The following RAP1GDS1 variants were observed in gnomAD, a reference collection of about 807,000 sequenced individuals.
RAP1GDS1 encodes the protein Rap1 GTPase-GDP dissociation stimulator 1.
RAP1GDS1 carries 35 observed loss-of-function variants against 71.1 expected under a neutral mutation model. That is an observed-to-expected ratio of 0.49 (90% CI 0.38 to 0.65). The LOEUF (loss-of-function observed/expected upper bound fraction) is 0.65, where lower values mean the gene tolerates loss of function less well. Ranked by LOEUF, RAP1GDS1 falls within the 30% of genes least tolerant of loss-of-function variation. The pLI, the probability that RAP1GDS1 is intolerant of heterozygous loss-of-function variation, is 0.00. For synonymous variants in RAP1GDS1, 229 were observed against 243.1 expected (o/e 0.94, Z 0.54); for missense variants, 663 against 706.1 (o/e 0.94, Z 0.69).
chr4:98,404,323 C>T (rs961996876), intron 6 of RAP1GDS1, among the ~76,000 whole-genome samples, 154 bp from the exon 7 acceptor site: 4 of 152,008 alleles, frequency 2.6e-5, no homozygotes, highest in Admixed American at 6.6e-5. Context: ...AGATATTTTT[C>T]CTTTTCAGGG....
At position 98,417,346 on chromosome 4, in the gene RAP1GDS1, A is replaced by G. The variant is rs1748180547; in HGVS notation, c.908-21A>G. The G allele has an allele frequency of 3.7e-6, 6 of 1,600,432 alleles. No individual in the cohort carries two copies. The South Asian group carries it at 4.5e-5, about 12-fold the overall frequency. On this transcript the variant is annotated intron_variant, in intron 8 of 14. Coordinates refer to ENST00000408927, the MANE Select transcript of RAP1GDS1 (RefSeq NM_001100427.2). ...CTAGTTATTTTTCTCTTGCTTAACT[A>G]TTCGTTTCATTTACCTCCAGATGAA...
intron 2 of RAP1GDS1, among the ~76,000 whole-genome samples, chr4:98,320,400 C>T (rs893830932): frequency 2.0e-5 from 3 of 152,044 alleles, no homozygotes; most frequent in South Asian, 4.1e-4. Flanking sequence ...GTCCCCGTTA[C>T]GTGATTCTCT....
At chr4:98,276,332 CATCTAT>C (rs1169494983) in intron 1 of RAP1GDS1, among the ~76,000 whole-genome samples, 1 of 152,038 alleles carries the variant, frequency 6.6e-6, no homozygotes, top group Non-Finnish European at 1.5e-5. Flanking sequence ...ACAAACATTC[CATCTAT>C]AACAAGTACT....
chr4:98,376,074 C>T (rs1741141380), intron 4 of RAP1GDS1, among the ~76,000 whole-genome samples: 1 of 151,994 alleles, frequency 6.6e-6, no homozygotes, highest in African/African-American at 2.4e-5. Flanking sequence ...CTGCTCTTAG[C>T]TAATGTGAAG....
intron 2 of RAP1GDS1, among the ~76,000 whole-genome samples, chr4:98,324,271 G>A (rs1221753065): frequency 2.0e-5 from 3 of 150,534 alleles, no homozygotes; most frequent in African/African-American, 7.4e-5. Flanking sequence ...AAATAAAAGA[G>A]GACACAAACA....
chr4:98,409,948 G>GA (rs915202682), intron 7 of RAP1GDS1, among the ~76,000 whole-genome samples: 3 of 151,976 alleles, frequency 2.0e-5, no homozygotes, highest in Non-Finnish European at 4.4e-5. Flanking sequence ...AATCATAAAG[G>GA]AAAAAATTGA....
chr4:98,309,150 A>G (rs1289934975), intron 2 of RAP1GDS1, among the ~76,000 whole-genome samples: 1 of 152,086 alleles, frequency 6.6e-6, no homozygotes. Flanking sequence ...TTAATAATAT[A>G]TGAATAGAAA....
Position 98,428,702 on chromosome 4 carries a change from A to G in RAP1GDS1, c.1441-5234A>G, listed in dbSNP as rs140960458. On this transcript the variant is annotated intron_variant, in intron 12 of 14. Coordinates refer to ENST00000408927, the MANE Select transcript of RAP1GDS1 (RefSeq NM_001100427.2). ...AAATAAAAAAATAATAGATGTTGGC[A>G]TGGATGCAGTGAATAGGGAATACTT... 9.5e-4 allele frequency among the ~76,000 whole-genome samples: 144 copies of G among 152,306 alleles called. 1 individual carries two copies. Among genetic ancestry groups the G allele is most frequent in the Non-Finnish European group, 1.8e-3 (121 of 68,014 alleles).
In RAP1GDS1 at chr4:98,443,373, G is replaced by A. The variant is rs1203541316; in HGVS notation, c.*1256G>A. 8.7e-6 allele frequency: 2 copies of A among 230,994 alleles called. No individual in the cohort carries two copies. The highest frequency in any genetic ancestry group is 1.7e-5 in the Non-Finnish European group (2 of 116,748). The allele number at this position is 230,994 out of a possible 1,614,324, so 14.3% of individuals were successfully genotyped here. A position where few individuals can be genotyped will look rare whatever the true frequency, so the allele number is the denominator to read the frequency against. ...TCACTGCCACTGCCACCACCAAATG[G>A]GTTTTTAGAGCTTTGAAACACAATC... On this transcript the variant is annotated 3_prime_UTR_variant, in exon 15 of 15. Transcript: ENST00000408927.
chr4:98,339,541 A>T (rs900703871), intron 2 of RAP1GDS1, among the ~76,000 whole-genome samples: 2 of 152,034 alleles, frequency 1.3e-5, no homozygotes, highest in East Asian at 3.9e-4. Flanking sequence ...TTTAAACAAG[A>T]CTTCTGATCA....
chr4:98,291,357 A>G (rs879536357), intron 1 of RAP1GDS1, among the ~76,000 whole-genome samples: 2 of 152,214 alleles, frequency 1.3e-5, no homozygotes, highest in East Asian at 1.9e-4. Context: ...CTCCATTTCT[A>G]TCTCTACTTA....
intron 2 of RAP1GDS1, among the ~76,000 whole-genome samples, chr4:98,298,340 T>C (rs1171628261): frequency 1.3e-5 from 2 of 152,158 alleles, no homozygotes; most frequent in African/African-American, 4.8e-5. Flanking sequence ...CAGCTTGGTA[T>C]TGGAAGAGAT....
intron 4 of RAP1GDS1, among the ~76,000 whole-genome samples, chr4:98,353,569 T>C (rs1737522671): frequency 6.6e-6 from 1 of 152,206 alleles, no homozygotes; most frequent in African/African-American, 2.4e-5. Context: ...ATAACTCATA[T>C]ATAGCAGTAG....
intron 3 of RAP1GDS1, among the ~76,000 whole-genome samples, chr4:98,347,014 T>C (rs1380833856): frequency 6.6e-6 from 1 of 152,222 alleles, no homozygotes; most frequent in Non-Finnish European, 1.5e-5. Flanking sequence ...GGGAAGTTAT[T>C]AGAGAAAATT....
chr4:98,371,742 G>A (rs1176142159), intron 4 of RAP1GDS1, among the ~76,000 whole-genome samples: 1 of 152,126 alleles, frequency 6.6e-6, no homozygotes, highest in Non-Finnish European at 1.5e-5. Context: ...ACAGGTACGA[G>A]CCTCCGCCCC....
intron 4 of RAP1GDS1, among the ~76,000 whole-genome samples, chr4:98,359,373 G>A (rs950378622): frequency 6.6e-6 from 1 of 152,058 alleles, no homozygotes; most frequent in Non-Finnish European, 1.5e-5. Context: ...CTGCCATAGA[G>A]AATAAAAGAC....
At chr4:98,400,011 G>T (rs146217506) in intron 6 of RAP1GDS1, among the ~76,000 whole-genome samples, 299 of 152,156 alleles carry the variant, frequency 2.0e-3, no homozygotes, top group African/African-American at 7.1e-3. Context: ...AAATTAGCCT[G>T]GCATGGTGGC....
At chr4:98,390,330 A>G (rs1454928418) in intron 5 of RAP1GDS1, among the ~76,000 whole-genome samples, 1 of 152,218 alleles carries the variant, frequency 6.6e-6, no homozygotes, top group Admixed American at 6.5e-5. Flanking sequence ...TTTAACATCA[A>G]AAGTATAAAT....
chr4:98,424,102 G>A (rs1201038687), intron 12 of RAP1GDS1, among the ~76,000 whole-genome samples: 1 of 152,186 alleles, frequency 6.6e-6, no homozygotes, highest in Admixed American at 6.5e-5. Context: ...TAGAATTAAA[G>A]GAGGAGGTAG....
Sources: gnomAD v4.1 joint callset for allele counts (sites outside exome capture counted in the v4.1 genomes callset) on GRCh38, gnomAD v4.1.1 for gene constraint, MANE v1.5 for transcripts, NCBI Gene and HGNC (gene_info 2026-07-23, HGNC 2026-07-21) for gene names.